The following EXOC6B variants were observed in gnomAD, a reference collection of about 807,000 sequenced individuals.
The protein encoded by EXOC6B is exocyst complex component 6B, also known as SEC15 homolog B.
Under a neutral mutation model 113.5 loss-of-function variants are expected in EXOC6B, and 54 were observed. The ratio of observed to expected loss-of-function variants is 0.48; its 90% confidence interval spans 0.38 to 0.60. The LOEUF is 0.60. Among genes scored for constraint, EXOC6B ranks in the 20% least tolerant of loss-of-function variants. The pLI, the probability that EXOC6B is intolerant of heterozygous loss-of-function variation, is 0.00. For missense variants in EXOC6B, 797 were observed against 977.5 expected, an observed-to-expected ratio of 0.82 and a Z score of 2.46; for synonymous variants, 357 against 339.0, an observed-to-expected ratio of 1.05 and a Z score of -0.58.
chr2:72,488,922 C>T (rs1699584243), intron 16 of EXOC6B, among the ~76,000 whole-genome samples: 2 of 152,184 alleles, frequency 1.3e-5, no homozygotes. Flanking sequence ...CGACGGCCTA[C>T]CATGAATGCT....
chr2:72,666,780 G>GAC (rs71404724), intron 6 of EXOC6B, among the ~76,000 whole-genome samples: 4,447 of 81,172 alleles, frequency 0.055, 196 homozygotes, highest in African/African-American at 0.11. Flanking sequence ...ATTTACAATA[G>GAC]ACACACACAC....
intron 18 of EXOC6B, among the ~76,000 whole-genome samples, chr2:72,444,572 G>A (rs995709605): frequency 2.0e-5 from 3 of 152,208 alleles, no homozygotes; most frequent in African/African-American, 7.2e-5. Flanking sequence ...TGGATATCCA[G>A]GCATTTCTAT....
intron 20 of EXOC6B, among the ~76,000 whole-genome samples, chr2:72,242,419 A>G (rs1301581974): frequency 6.6e-6 from 1 of 152,246 alleles, no homozygotes; most frequent in Non-Finnish European, 1.5e-5. Context: ...GATGCAGCAT[A>G]GTGTTATTTG....
In EXOC6B at chr2:72,624,811, A is replaced by G. The variant is rs111984824; in HGVS notation, c.670-49143T>C. 8.5e-3 allele frequency among the ~76,000 whole-genome samples: 1,302 copies of G among 152,304 alleles called. 24 individuals are homozygous for G. Among genetic ancestry groups the G allele is most frequent in the African/African-American group, 0.03 (1,231 of 41,568 alleles). ...TAGTACCTACCACTAGCCAGGTACC[A>G]TTCTAAGTAGATTACACATGTTATC... On this transcript the variant is annotated intron_variant, in intron 6 of 21. Coordinates refer to ENST00000272427, the MANE Select transcript of EXOC6B (RefSeq NM_015189.3).
At chr2:72,821,414 T>C (rs1256576126) in intron 1 of EXOC6B, among the ~76,000 whole-genome samples, 1 of 152,126 alleles carries the variant, frequency 6.6e-6, no homozygotes, top group African/African-American at 2.4e-5. Context: ...AGTCTAGCAG[T>C]TCCTCATAAT....
intron 6 of EXOC6B, among the ~76,000 whole-genome samples, chr2:72,675,214 A>G (rs1034737328): frequency 1.1e-4 from 17 of 152,368 alleles, no homozygotes; most frequent in African/African-American, 3.6e-4. Flanking sequence ...ACTGACTTTC[A>G]TGTTTGGAAC....
chr2:72,287,949 A>AC (rs1685546658), intron 20 of EXOC6B, among the ~76,000 whole-genome samples: 1 of 152,178 alleles, frequency 6.6e-6, no homozygotes, highest in South Asian at 2.1e-4. Flanking sequence ...TTTTTATTAG[A>AC]CTTGTATAAC....
At chr2:72,273,496 G>A (rs1385422897) in intron 20 of EXOC6B, among the ~76,000 whole-genome samples, 3 of 152,276 alleles carry the variant, frequency 2.0e-5, no homozygotes, top group East Asian at 3.9e-4. Flanking sequence ...TGTGTAAGGT[G>A]TTCAAGAAGT....
intron 8 of EXOC6B, among the ~76,000 whole-genome samples, chr2:72,534,649 G>A (rs1702183570): frequency 6.6e-6 from 1 of 152,006 alleles, no homozygotes; most frequent in African/African-American, 2.4e-5. Context: ...TATGTACTAG[G>A]TAGGCATAGT....
chr2:72,469,651 A>G (rs913785479), intron 17 of EXOC6B, among the ~76,000 whole-genome samples: 1 of 152,116 alleles, frequency 6.6e-6, no homozygotes. Context: ...GAATGTTAGT[A>G]TAATTCCTAT....
chr2:72,506,491 G>A (rs1206367046), intron 11 of EXOC6B, among the ~76,000 whole-genome samples: 8 of 152,114 alleles, frequency 5.3e-5, no homozygotes, highest in African/African-American at 1.7e-4. Context: ...CAACGAAAAG[G>A]CAGCTTGAGT....
At chr2:72,205,433 C>T (rs146345224) in intron 20 of EXOC6B, among the ~76,000 whole-genome samples, 8 of 151,720 alleles carry the variant, frequency 5.3e-5, no homozygotes, top group African/African-American at 1.2e-4. Flanking sequence ...AGCCAAGATA[C>T]GCCTGCAAAA....
intron 1 of EXOC6B, among the ~76,000 whole-genome samples, chr2:72,790,644 A>G (rs1188930038): frequency 6.6e-6 from 1 of 152,164 alleles, no homozygotes; most frequent in Non-Finnish European, 1.5e-5. Context: ...ATCCAAAACT[A>G]CTACGTAGAA....
At chr2:72,387,758 A>AT (rs972217455) in intron 18 of EXOC6B, among the ~76,000 whole-genome samples, 9 of 151,714 alleles carry the variant, frequency 5.9e-5, no homozygotes, top group Admixed American at 2.0e-4. Flanking sequence ...TAACCAATGT[A>AT]TTTTTTTTAA....
chr2:72,450,486 A>G (rs1010403664), intron 18 of EXOC6B, among the ~76,000 whole-genome samples: 6 of 152,218 alleles, frequency 3.9e-5, no homozygotes, highest in African/African-American at 1.4e-4. Flanking sequence ...ACAGTGAGAG[A>G]GTGTACTTGT....
chr2:72,631,107 G>A (rs1558861516), intron 6 of EXOC6B, among the ~76,000 whole-genome samples: 1 of 151,978 alleles, frequency 6.6e-6, no homozygotes, highest in Non-Finnish European at 1.5e-5. Flanking sequence ...GACAATGTGT[G>A]AACAGGCAAT....
chr2:72,411,995 T>C (rs1370174712), intron 18 of EXOC6B, among the ~76,000 whole-genome samples: 1 of 152,038 alleles, frequency 6.6e-6, no homozygotes, highest in Non-Finnish European at 1.5e-5. Context: ...AATAATAGCA[T>C]ACTATGAAAC....
At chr2:72,795,812 A>T (rs1684911359) in intron 1 of EXOC6B, among the ~76,000 whole-genome samples, 1 of 151,930 alleles carries the variant, frequency 6.6e-6, no homozygotes, top group African/African-American at 2.4e-5. Context: ...TTATAATCAC[A>T]AGTGTTTTTT....
intron 15 of EXOC6B, among the ~76,000 whole-genome samples, chr2:72,494,910 T>C (rs1352240618): frequency 6.6e-6 from 1 of 152,212 alleles, no homozygotes; most frequent in African/African-American, 2.4e-5. Flanking sequence ...CTAGCACGTA[T>C]AGAAAATATA....
Sources: allele counts gnomAD v4.1 joint callset (sites outside exome capture counted in the v4.1 genomes callset), GRCh38; gene constraint gnomAD v4.1.1; transcripts MANE v1.5; gene names NCBI Gene and HGNC (gene_info 2026-07-23, HGNC 2026-07-21).